PTPRN2: variants seen among roughly 807,000 people sequenced by gnomAD.
The protein encoded by PTPRN2 is receptor-type tyrosine-protein phosphatase N2.
Under a neutral mutation model 118.8 loss-of-function variants are expected in PTPRN2, and 74 were observed. That is an observed-to-expected ratio of 0.62 (90% confidence interval 0.52 to 0.76). The LOEUF (loss-of-function observed/expected upper bound fraction) is 0.76, where lower values mean the gene tolerates loss of function less well. Ranked by LOEUF, PTPRN2 falls within the 30% of genes least tolerant of loss-of-function variation. The pLI is 0.00. For synonymous variants in PTPRN2, 641 were observed against 608.0 expected, an observed-to-expected ratio of 1.05 and a Z score of -0.80; for missense variants, 1,481 against 1,394.4, an observed-to-expected ratio of 1.06 and a Z score of -0.99.
Position 157,606,182 on chromosome 7 carries a change from C to G in PTPRN2, c.2345-2107G>C, listed in dbSNP as rs778776181. ...GCTGTGACAGCGCCCGGGCTCAGCC[C>G]TGACTTTGCTCCAAGATCAGCATGG... On this transcript the variant is annotated intron_variant, in intron 15 of 22. Coordinates refer to ENST00000389418, the MANE Select transcript of PTPRN2 (RefSeq NM_002847.5). 5.3e-5 allele frequency among the ~76,000 whole-genome samples: 8 copies of G among 152,234 alleles called. No individual in the cohort carries two copies. In the East Asian group the frequency reaches 1.3e-3, roughly 26 times the overall value.
intron 3 of PTPRN2, among the ~76,000 whole-genome samples, chr7:158,310,507 T>C (rs1157768475): frequency 1.3e-5 from 2 of 152,178 alleles, no homozygotes; most frequent in Non-Finnish European, 2.9e-5. Flanking sequence ...AGCTTGTGAA[T>C]GAGGAATTGG....
chr7:158,409,565 G>T (rs1444120075), intron 2 of PTPRN2, among the ~76,000 whole-genome samples: 1 of 152,212 alleles, frequency 6.6e-6, no homozygotes, highest in African/African-American at 2.4e-5. Context: ...AAAGGACCGT[G>T]GTTAAAGCAG....
At chr7:158,403,228 G>A (rs1201337215) in intron 2 of PTPRN2, among the ~76,000 whole-genome samples, 1 of 152,234 alleles carries the variant, frequency 6.6e-6, no homozygotes, top group African/African-American at 2.4e-5. Context: ...GGGAGCACAT[G>A]TGAGCACCTC....
Position 157,585,010 on chromosome 7 carries a change from C to T in PTPRN2, c.2497-6870G>A, listed in dbSNP as rs550244361. 2.0e-5 allele frequency among the ~76,000 whole-genome samples: 3 copies of T among 152,242 alleles called. No individual in the cohort carries two copies. Among genetic ancestry groups the T allele is most frequent in the Admixed American group, 6.5e-5 (1 of 15,306 alleles). On this transcript the variant is annotated intron_variant, in intron 17 of 22. Coordinates refer to ENST00000389418, the MANE Select transcript of PTPRN2 (RefSeq NM_002847.5). This position sits in a 1 kb window ranked among gnomAD's most constrained non-coding sequence, Gnocchi z 5.2. ...CAGGGTGACAAAACCTTCGTGATGC[C>T]GTCCATGACCAGCTCATGGTGCACC...
In PTPRN2 at chr7:158,093,461, A is replaced by C. The variant is rs1814380673; in HGVS notation, c.1644-12084T>G. Among the ~76,000 whole-genome samples, 1 of 152,138 alleles carries C rather than the reference A, an allele frequency of 6.6e-6. No individual in the cohort carries two copies. The highest frequency in any genetic ancestry group is 1.5e-5 in the Non-Finnish European group (1 of 68,040). ...GCTTTTACTCCCTGAATTGTTCCTG[A>C]TGATAACTTGCCTCCTCCAGTCTTG... On this transcript the variant is annotated intron_variant, in intron 10 of 22. Transcript: ENST00000389418. This position sits in a 1 kb window ranked among gnomAD's most constrained non-coding sequence, Gnocchi z 4.4.
intron 11 of PTPRN2, among the ~76,000 whole-genome samples, chr7:157,976,874 T>C (rs1431155895): frequency 6.6e-6 from 1 of 151,892 alleles, no homozygotes; most frequent in Non-Finnish European, 1.5e-5. Flanking sequence ...TCACAGAGGA[T>C]ATAAACACTT....
intron 12 of PTPRN2, among the ~76,000 whole-genome samples, chr7:157,751,132 G>A (rs1278919118): frequency 6.6e-6 from 1 of 152,190 alleles, no homozygotes; most frequent in Non-Finnish European, 1.5e-5. Context: ...GTAGTAGGCT[G>A]GGGGGACCTG....
At chr7:157,601,072 C>T (rs1470004668) in intron 16 of PTPRN2, among the ~76,000 whole-genome samples, 1 of 152,170 alleles carries the variant, frequency 6.6e-6, no homozygotes, top group African/African-American at 2.4e-5. Context: ...TGGGCTGTTG[C>T]GTGAACACCA....
chr7:157,656,629 G>A (rs1806116113), intron 13 of PTPRN2, 78 bp from the exon 14 acceptor site: 11 of 1,325,510 alleles, frequency 8.3e-6, no homozygotes, highest in Admixed American at 6.2e-5. Context: ...CGGCACCCAC[G>A]TGGCACAACC....
At chr7:158,000,122 A>G (rs974562488) in intron 11 of PTPRN2, among the ~76,000 whole-genome samples, 5 of 152,190 alleles carry the variant, frequency 3.3e-5, no homozygotes, top group Non-Finnish European at 7.4e-5. Flanking sequence ...CCTGACCTCA[A>G]ATGATCCACC....
At chr7:158,225,616 T>G (rs1828709622) in intron 3 of PTPRN2, among the ~76,000 whole-genome samples, 1 of 152,162 alleles carries the variant, frequency 6.6e-6, no homozygotes, top group Non-Finnish European at 1.5e-5. Flanking sequence ...CGTAATTAGC[T>G]AAGATCCAAG....
intron 12 of PTPRN2, among the ~76,000 whole-genome samples, chr7:157,814,572 G>A (rs1464697053): frequency 6.8e-6 from 1 of 147,290 alleles, no homozygotes; most frequent in Non-Finnish European, 1.5e-5. Flanking sequence ...GAGAGACGGG[G>A]GGCAGGAGGG....
intron 3 of PTPRN2, among the ~76,000 whole-genome samples, chr7:158,303,092 GAATT>G (rs1801011291): frequency 6.7e-6 from 1 of 149,824 alleles, no homozygotes; most frequent in African/African-American, 2.5e-5. Context: ...ATTTTAAAGT[GAATT>G]AATAAACAGC....
At chr7:157,803,761 T>C (rs1805463110) in intron 12 of PTPRN2, among the ~76,000 whole-genome samples, 4 of 152,190 alleles carry the variant, frequency 2.6e-5, no homozygotes, top group Admixed American at 2.6e-4. Flanking sequence ...GGACTCTCTG[T>C]TCCATTGATC....
intron 2 of PTPRN2, among the ~76,000 whole-genome samples, chr7:158,461,613 T>C (rs553114999): frequency 1.5e-4 from 23 of 152,314 alleles, no homozygotes; most frequent in African/African-American, 5.3e-4. Flanking sequence ...ACGTACTTTT[T>C]CCAAAGCACT....
chr7:158,319,488 T>TCA lies in PTPRN2; in HGVS notation c.164-2558_164-2557dup, dbSNP rs199523049. 1.9e-4 allele frequency among the ~76,000 whole-genome samples: 5 copies of TCA among 26,014 alleles called. 1 individual carries two copies. Among genetic ancestry groups the TCA allele is most frequent in the African/African-American group, 3.0e-4 (2 of 6,616 alleles). The allele number at this position is 26,014 out of a possible 152,430, so 17.1% of individuals were successfully genotyped here. Reference sequence around the variant, plus strand: ...CCCTCACACACAAGCACAGCCTCCCTCACACTCACACAGCCTCCCCCCACA... The same window carrying TCA: ...CCCTCACACACAAGCACAGCCTCCCTCACACACTCACACAGCCTCCCCCCACA... On this transcript the variant is annotated intron_variant, in intron 2 of 22. Transcript: ENST00000389418.
chr7:158,053,737 C>CCAGA (rs1809509845), intron 11 of PTPRN2, among the ~76,000 whole-genome samples: 2 of 150,888 alleles, frequency 1.3e-5, no homozygotes, highest in African/African-American at 4.9e-5. Flanking sequence ...TGCAGAGACC[C>CCAGA]TAGAGATGCA....
intron 2 of PTPRN2, among the ~76,000 whole-genome samples, chr7:158,488,235 A>G (rs1357648987): frequency 1.3e-5 from 2 of 152,114 alleles, no homozygotes; most frequent in African/African-American, 2.4e-5. Context: ...CTGCCTCCAA[A>G]TTAAAGCTGC....
chr7:158,206,140 C>T (rs1238635842), intron 3 of PTPRN2, among the ~76,000 whole-genome samples: 1 of 152,184 alleles, frequency 6.6e-6, no homozygotes, highest in Non-Finnish European at 1.5e-5. Context: ...CAACCCTAGG[C>T]AGCACAGCTC....
Sources: gnomAD v4.1 joint callset for allele counts (sites outside exome capture counted in the v4.1 genomes callset) on GRCh38, gnomAD v4.1.1 for gene constraint, Gnocchi (gnomAD v3.1) non-coding constraint, MANE v1.5 for transcripts, NCBI Gene and HGNC (gene_info 2026-07-23, HGNC 2026-07-21) for gene names.